The following TECPR2 variants were observed in gnomAD, a reference collection of about 807,000 sequenced individuals.
The protein encoded by TECPR2 is tectonin beta-propeller repeat-containing protein 2.
Under a neutral mutation model 138.1 loss-of-function variants are expected in TECPR2, and 65 were observed. The ratio of observed to expected loss-of-function variants is 0.47; its 90% CI spans 0.39 to 0.58. The LOEUF (loss-of-function observed/expected upper bound fraction) is 0.58, where lower values mean the gene tolerates loss of function less well. Ranked by LOEUF, TECPR2 falls within the 20% of genes least tolerant of loss-of-function variation. The probability of loss-of-function intolerance (pLI) is 0.00; values close to 1 mark genes in which losing one functional copy is unlikely to be tolerated. For missense variants in TECPR2, 1,553 were observed against 1,824.5 expected, an observed-to-expected ratio of 0.85 and a Z score of 2.71; for synonymous variants, 746 against 749.8, an observed-to-expected ratio of 0.99 and a Z score of 0.08.
intron 2 of TECPR2, among the ~76,000 whole-genome samples, chr14:102,395,634 C>T (rs577856692): frequency 2.4e-4 from 36 of 152,216 alleles, no homozygotes; most frequent in African/African-American, 8.4e-4. Flanking sequence ...CCCGTCTCTA[C>T]TAAAAATACA....
chr14:102,410,483 AAAAAATAAAAAAT>A (rs869141196), intron 4 of TECPR2, among the ~76,000 whole-genome samples: 1 of 67,052 alleles, frequency 1.5e-5, no homozygotes, highest in Non-Finnish European at 3.6e-5. Context: ...AAAAAAAAAT[AAAAAATAAAAAAT>A]AAAAAAATAA....
intron 1 of TECPR2, among the ~76,000 whole-genome samples, chr14:102,368,206 A>G (rs1317577558): frequency 3.3e-5 from 5 of 151,532 alleles, no homozygotes; most frequent in African/African-American, 9.7e-5. Context: ...ACAGGGTTTC[A>G]CCATGTTGGC....
At chr14:102,490,547 C>A (rs1392237974) in intron 17 of TECPR2, among the ~76,000 whole-genome samples, 1 of 152,234 alleles carries the variant, frequency 6.6e-6, no homozygotes. Context: ...AGCAGAGGCG[C>A]CTTCCCGAGT....
intron 4 of TECPR2, among the ~76,000 whole-genome samples, chr14:102,413,799 G>GT (rs566660699): frequency 1.1e-4 from 17 of 150,268 alleles, no homozygotes; most frequent in South Asian, 2.1e-4. Context: ...ATAAAATATG[G>GT]TTTTTTTTTC....
intron 8 of TECPR2, among the ~76,000 whole-genome samples, 170 bp downstream of exon 8, chr14:102,432,298 T>C (rs1595122240): frequency 2.0e-5 from 3 of 148,902 alleles, no homozygotes; most frequent in Middle Eastern, 3.5e-3. Context: ...TAACGGAAAA[T>C]ACACACACAC....
chr14:102,432,833 G>A (rs146486232), intron 8 of TECPR2, among the ~76,000 whole-genome samples: 6,736 of 151,962 alleles, frequency 0.044, 178 homozygotes, highest in Middle Eastern at 0.092. Context: ...GTGAAACCCC[G>A]TCTCTACTAA....
At chr14:102,488,266 G>T (rs547187160) in intron 17 of TECPR2, among the ~76,000 whole-genome samples, 16 of 150,974 alleles carry the variant, frequency 1.1e-4, no homozygotes, top group Non-Finnish European at 1.8e-4. Context: ...CAATTCTCCT[G>T]CCTCAGTGTC....
rs114398562 is a variant in TECPR2, at chr14:102,464,495, C to T, written c.3641-646C>T. Reference sequence around the variant, plus strand: ...GCAACCTCGACTTCCTGGGCCCAACCGATCTCAGCCTCCCGAGTAGCTGGG... The same window carrying T: ...GCAACCTCGACTTCCTGGGCCCAACTGATCTCAGCCTCCCGAGTAGCTGGG... On this transcript the variant is annotated intron_variant, in intron 16 of 19. Coordinates refer to ENST00000359520, the MANE Select transcript of TECPR2 (RefSeq NM_014844.5). Among the ~76,000 whole-genome samples the T allele has an allele frequency of 4.2e-3, 646 of 152,138 alleles. 5 individuals are homozygous for T. Among genetic ancestry groups the T allele is most frequent in the Non-Finnish European group, 7.3e-3 (499 of 68,006 alleles).
chr14:102,439,099 C>A (rs1206945619), intron 10 of TECPR2, among the ~76,000 whole-genome samples: 5 of 152,172 alleles, frequency 3.3e-5, no homozygotes, highest in Admixed American at 2.0e-4. Context: ...CTCCTGACCT[C>A]ATGATCCGCC....
chr14:102,367,406 C>T lies in TECPR2; in HGVS notation c.-73+4290C>T, dbSNP rs556086247. Among the ~76,000 whole-genome samples, 4 of 152,316 alleles carry T rather than the reference C, an allele frequency of 2.6e-5. No individual in the cohort carries two copies. In the South Asian group the frequency reaches 8.3e-4, roughly 32 times the overall value. ...GGAAACTCCGTACCCTTCAGCAATA[C>T]ACCCTAACCCCTTCTTCTCCCAGCC... On this transcript the variant is annotated intron_variant, in intron 1 of 19. Transcript: ENST00000359520.
At chr14:102,430,309 A>G (rs1013431846) in intron 7 of TECPR2, among the ~76,000 whole-genome samples, 5 of 152,178 alleles carry the variant, frequency 3.3e-5, no homozygotes, top group Non-Finnish European at 5.9e-5. Context: ...TTGAATTTCA[A>G]TACTTACAAG....
intron 5 of TECPR2, among the ~76,000 whole-genome samples, chr14:102,421,544 C>A (rs923683385): frequency 3.9e-5 from 6 of 152,088 alleles, no homozygotes; most frequent in African/African-American, 1.4e-4. Context: ...CTGGGGGTGG[C>A]CTCTAGGGTT....
chr14:102,403,922 G>A (rs574537385), intron 2 of TECPR2, among the ~76,000 whole-genome samples: 1 of 152,182 alleles, frequency 6.6e-6, no homozygotes, highest in African/African-American at 2.4e-5. Flanking sequence ...TTTGGAGACA[G>A]GGTCTTGCTC....
In TECPR2 at chr14:102,440,622, C is replaced by T. The variant is rs374259843; in HGVS notation, c.2752+13C>T. ...TACTTGCAGACAGGTAACCGCGGGC[C>T]ACGCTTAGAGGCCTGCCAGCTCTGC... is the stretch of plus-strand genomic sequence containing the variant. On this transcript the variant is annotated intron_variant, in intron 11 of 19. Transcript: ENST00000359520. 149 of 1,610,930 alleles carry T rather than the reference C, an allele frequency of 9.2e-5. No homozygotes were observed. The highest frequency in any genetic ancestry group is 1.1e-4 in the Non-Finnish European group (134 of 1,178,160).
intron 2 of TECPR2, among the ~76,000 whole-genome samples, chr14:102,383,903 C>T (rs890717222): frequency 7.3e-5 from 11 of 151,704 alleles, no homozygotes; most frequent in Non-Finnish European, 1.3e-4. Flanking sequence ...TAACAGAATA[C>T]CTAAGACTAG....
chr14:102,412,420 A>G (rs1198483588), intron 4 of TECPR2, among the ~76,000 whole-genome samples: 1 of 152,160 alleles, frequency 6.6e-6, no homozygotes, highest in Non-Finnish European at 1.5e-5. Flanking sequence ...GGTTTGAGCC[A>G]CCGTGCCAGC....
intron 17 of TECPR2, among the ~76,000 whole-genome samples, chr14:102,470,241 C>A (rs1890628269): frequency 6.6e-6 from 1 of 151,466 alleles, no homozygotes; most frequent in Non-Finnish European, 1.5e-5. Context: ...TAGGCCTGAA[C>A]TTTTTTTGTG....
At chr14:102,423,525 G>A (rs1889239715) in intron 5 of TECPR2, among the ~76,000 whole-genome samples, 1 of 151,528 alleles carries the variant, frequency 6.6e-6, no homozygotes, top group Non-Finnish European at 1.5e-5. Context: ...TATTTTATGT[G>A]TGGCCCAAGA....
rs201691545 is a variant in TECPR2, at chr14:102,425,186, C to T, written c.846C>T (p.Cys282=). Residue 282 remains cysteine (C), a synonymous_variant, in exon 6 of 20, where the codon TGC becomes TGT. Coordinates refer to ENST00000359520, the MANE Select transcript of TECPR2 (RefSeq NM_014844.5). Reference sequence around the variant, plus strand: ...TGGAATCCCCCAACAGTGGAAGTTGCAGCTTACCTGAGAGGCACCTGGGGC... The same window carrying T: ...TGGAATCCCCCAACAGTGGAAGTTGTAGCTTACCTGAGAGGCACCTGGGGC... ...PRLESPNSGS[C]SLPERHLGLV... is the part of the protein sequence containing the mutation. 50 of 1,614,134 alleles carry T rather than the reference C, an allele frequency of 3.1e-5. No individual in the cohort carries two copies. The Admixed American group carries it at 4.7e-4, about 15-fold the overall frequency.
Sources: allele counts gnomAD v4.1 joint callset (sites outside exome capture counted in the v4.1 genomes callset), GRCh38; gene constraint gnomAD v4.1.1; transcripts MANE v1.5; gene names NCBI Gene and HGNC (gene_info 2026-07-23, HGNC 2026-07-21).